Variants in DPT observed in about 807,000 individuals in gnomAD.
DPT encodes dermatopontin, also known as tyrosine-rich acidic matrix protein.
A neutral mutation model predicts 31.2 loss-of-function variants in DPT; 21 were observed. The observed-to-expected ratio is 0.67, with a 90% confidence interval of 0.48 to 0.97. The LOEUF (loss-of-function observed/expected upper bound fraction) is 0.97. Among genes scored for constraint, DPT ranks in the 50% least tolerant of loss-of-function variants. The pLI is 0.00. For missense variants in DPT, 262 were observed against 258.8 expected (o/e 1.01, Z -0.08); for synonymous variants, 91 against 86.9 (o/e 1.05, Z -0.26).
intron 2 of DPT, among the ~76,000 whole-genome samples, chr1:168,702,971 T>A (rs1392914554): frequency 1.3e-5 from 2 of 152,092 alleles, no homozygotes; most frequent in South Asian, 2.1e-4. Context: ...TGATTTATGA[T>A]CCATGAGAAT....
intron 1 of DPT, among the ~76,000 whole-genome samples, chr1:168,721,857 C>G (rs1650123288): frequency 6.6e-6 from 1 of 152,230 alleles, no homozygotes; most frequent in African/African-American, 2.4e-5. Flanking sequence ...ATTCTGCTCT[C>G]TTCCTGCCTG....
chr1:168,699,816 A>C (rs1221877030), intron 3 of DPT, among the ~76,000 whole-genome samples: 2 of 151,732 alleles, frequency 1.3e-5, no homozygotes, highest in Admixed American at 6.5e-5. Context: ...TCGGCTGACT[A>C]AAAGTAGGCC....
At chr1:168,704,586 G>A (rs1031230119) in intron 2 of DPT, among the ~76,000 whole-genome samples, 2 of 147,946 alleles carry the variant, frequency 1.4e-5, no homozygotes, top group Admixed American at 6.6e-5. Context: ...CTACTGGTGT[G>A]TGTGTGGGGT....
rs368865034 is a variant in DPT, at chr1:168,706,786, T to C, written c.432-5662A>G. ...GCTTAAATGAGTAGAGGAAAGTCCC[T>C]GAACACTTTCCAAATTGCTCTCTTG... On this transcript the variant is annotated intron_variant, in intron 2 of 3. Coordinates refer to ENST00000367817, the MANE Select transcript of DPT (RefSeq NM_001937.5). Among the ~76,000 whole-genome samples, 12 of 152,346 alleles carry C rather than the reference T, an allele frequency of 7.9e-5. No homozygotes were observed. The East Asian group carries it at 1.5e-3, about 20-fold the overall frequency.
At chr1:168,726,067 G>A (rs1650235611) in intron 1 of DPT, among the ~76,000 whole-genome samples, 1 of 152,176 alleles carries the variant, frequency 6.6e-6, no homozygotes, top group Admixed American at 6.5e-5. Context: ...CAGTCCTGGG[G>A]CAGCTGGATC....
intron 1 of DPT, among the ~76,000 whole-genome samples, chr1:168,728,578 C>T (rs766233989): frequency 1.3e-5 from 2 of 150,928 alleles, no homozygotes; most frequent in Non-Finnish European, 3.0e-5. Context: ...AGCTTCTCGC[C>T]GACCTACACC....
At chr1:168,702,657 G>A (rs1649627139) in intron 2 of DPT, among the ~76,000 whole-genome samples, 1 of 141,810 alleles carries the variant, frequency 7.1e-6, no homozygotes, top group African/African-American at 2.6e-5. Flanking sequence ...TGTCACCCAG[G>A]CTGTTGCACA....
In DPT at chr1:168,714,205, C is replaced by T. The variant is rs571881617; in HGVS notation, c.431+16G>A. 1.3e-5 allele frequency: 21 copies of T among 1,613,836 alleles called. No individual in the cohort carries two copies. The highest frequency in any genetic ancestry group is 5.5e-5 in the South Asian group (5 of 91,026). ...ACCCCAGGAGTCATGAGGGTTTGGT[C>T]GGCTGCCAGACTCACCAGCAGGAAT... On this transcript the variant is annotated intron_variant, in intron 2 of 3. Transcript: ENST00000367817.
intron 3 of DPT, among the ~76,000 whole-genome samples, chr1:168,699,866 C>T (rs1468821837): frequency 6.6e-6 from 1 of 152,116 alleles, no homozygotes; most frequent in Non-Finnish European, 1.5e-5. Context: ...ACACATTTCT[C>T]TATATTAATA....
At chr1:168,707,698 G>A (rs1649753280) in intron 2 of DPT, among the ~76,000 whole-genome samples, 1 of 152,200 alleles carries the variant, frequency 6.6e-6, no homozygotes, top group Non-Finnish European at 1.5e-5. Flanking sequence ...TCACTCTCAT[G>A]CTGTTCTCAT....
rs963077514 is a variant in DPT at position 168,720,170 on chromosome 1, A to T, written c.306-5824T>A. Among the ~76,000 whole-genome samples, 7 of 152,268 alleles carry T rather than the reference A, an allele frequency of 4.6e-5. 1 individual carries two copies. In the South Asian group the frequency reaches 1.5e-3, roughly 32 times the overall value. On this transcript the variant is annotated intron_variant, in intron 1 of 3. Coordinates refer to ENST00000367817, the MANE Select transcript of DPT (RefSeq NM_001937.5). ...CTCACCTAAGGCACTGTGTGGAGTCAGTGATAATGCCTACAAAACTCTCGG... is the reference window on the plus strand; with the variant it reads ...CTCACCTAAGGCACTGTGTGGAGTCTGTGATAATGCCTACAAAACTCTCGG...
At chr1:168,727,788 C>T (rs186561349) in intron 1 of DPT, among the ~76,000 whole-genome samples, 3 of 152,110 alleles carry the variant, frequency 2.0e-5, no homozygotes, top group African/African-American at 7.2e-5. Flanking sequence ...TCCTCCCTCC[C>T]CAGCCTCCCA....
Position 168,711,382 on chromosome 1 carries a change from G to C in DPT, c.431+2839C>G, listed in dbSNP as rs549655893. On this transcript the variant is annotated intron_variant, in intron 2 of 3. Transcript: ENST00000367817. ...TGCCTGCCTGGTCACCCAAAGCCTTGAGGCCCAAGCCCACTATCTGTTGTT... is the reference window on the plus strand; with the variant it reads ...TGCCTGCCTGGTCACCCAAAGCCTTCAGGCCCAAGCCCACTATCTGTTGTT... Among the ~76,000 whole-genome samples, 189 of 152,180 alleles carry C rather than the reference G, an allele frequency of 1.2e-3. 2 individuals are homozygous for C. Among genetic ancestry groups the C allele is most frequent in the African/African-American group, 4.4e-3 (184 of 41,532 alleles).
At chr1:168,700,182 T>C (rs560516375) in intron 3 of DPT, among the ~76,000 whole-genome samples, 2 of 152,252 alleles carry the variant, frequency 1.3e-5, no homozygotes, top group Admixed American at 6.5e-5. Flanking sequence ...GATTAAGCCA[T>C]GAGGGCTCTG....
chr1:168,718,027 A>G (rs1177172035), intron 1 of DPT, among the ~76,000 whole-genome samples: 1 of 152,202 alleles, frequency 6.6e-6, no homozygotes, highest in East Asian at 1.9e-4. Context: ...TATGTGTCCA[A>G]AAAGAGAAGG....
chr1:168,722,112 C>A (rs570261656), intron 1 of DPT, among the ~76,000 whole-genome samples: 15 of 152,256 alleles, frequency 9.9e-5, no homozygotes, highest in African/African-American at 3.1e-4. Context: ...TTGTGAGATG[C>A]ATTTATGTCC....
rs563025648 is a variant in DPT, at chr1:168,723,866, A to G, written c.305+5004T>C. ...TATTTTGAAGTAATTTCAGATTTAC[A>G]GAATGCTTGTAAAGACAGCACACAA... On this transcript the variant is annotated intron_variant, in intron 1 of 3. Coordinates refer to ENST00000367817, the MANE Select transcript of DPT (RefSeq NM_001937.5). 2.0e-5 allele frequency among the ~76,000 whole-genome samples: 3 copies of G among 152,314 alleles called. No homozygotes were observed. In the East Asian group the frequency reaches 5.8e-4, roughly 29 times the overall value.
Position 168,696,618 on chromosome 1 carries a change from G to A in DPT, c.540-3C>T. 6.2e-7 allele frequency: 1 copy of A among 1,613,540 alleles called. No homozygotes were observed. The highest frequency in any genetic ancestry group is 2.2e-5 in the East Asian group (1 of 44,878). On this transcript the variant is annotated splice_region_variant and splice_polypyrimidine_tract_variant and intron_variant, in intron 3 of 3. Coordinates refer to ENST00000367817, the MANE Select transcript of DPT (RefSeq NM_001937.5). Reference sequence around the variant, plus strand: ...TTATGAACTTCCACTGGCGATCCCTGTGGGAGGGAGAGTCAGAAAATGAAT... The same window carrying A: ...TTATGAACTTCCACTGGCGATCCCTATGGGAGGGAGAGTCAGAAAATGAAT...
intron 1 of DPT, among the ~76,000 whole-genome samples, chr1:168,725,017 C>T (rs983188418): frequency 6.6e-6 from 1 of 152,146 alleles, no homozygotes; most frequent in Admixed American, 6.5e-5. Context: ...GCTGGCTTGC[C>T]CAACATCAGC....
Sources: gnomAD v4.1 joint callset for allele counts (sites outside exome capture counted in the v4.1 genomes callset) on GRCh38, gnomAD v4.1.1 for gene constraint, MANE v1.5 for transcripts, NCBI Gene and HGNC (gene_info 2026-07-23, HGNC 2026-07-21) for gene names.